Variants in PRKAG2 observed in about 807,000 individuals in gnomAD.
PRKAG2 encodes protein kinase AMP-activated non-catalytic subunit gamma 2, also known as 5'-AMP-activated protein kinase subunit gamma-2.
In PRKAG2, 26 loss-of-function variants were observed where a neutral mutation model predicts 69.6. That is an observed-to-expected ratio of 0.37 (90% CI 0.27 to 0.52). The LOEUF is 0.52. PRKAG2 is among the 20% of genes least tolerant of loss of function. The pLI, the probability that PRKAG2 is intolerant of heterozygous loss-of-function variation, is 0.90. For missense variants in PRKAG2, 557 were observed against 740.0 expected, an observed-to-expected ratio of 0.75 and a Z score of 2.87; for synonymous variants, 293 against 285.0, an observed-to-expected ratio of 1.03 and a Z score of -0.28.
intron 1 of PRKAG2, among the ~76,000 whole-genome samples, chr7:151,804,967 C>T (rs1190366661): frequency 6.6e-6 from 1 of 152,140 alleles, no homozygotes; most frequent in South Asian, 2.1e-4. Flanking sequence ...AAAGCCGCTG[C>T]GGAAGTGGCT....
At chr7:151,865,618 G>T (rs529461986) in intron 1 of PRKAG2, among the ~76,000 whole-genome samples, 1 of 152,318 alleles carries the variant, frequency 6.6e-6, no homozygotes, top group African/African-American at 2.4e-5. Flanking sequence ...TGACAGAGGC[G>T]CCAGGCAGGG....
intron 14 of PRKAG2, among the ~76,000 whole-genome samples, chr7:151,560,831 T>A (rs887751886): frequency 6.6e-6 from 1 of 152,106 alleles, no homozygotes; most frequent in Admixed American, 6.6e-5. Context: ...GAGGATTGCT[T>A]GAGCCTGGGA....
intron 6 of PRKAG2, among the ~76,000 whole-genome samples, chr7:151,579,035 G>A (rs1213081482): frequency 6.6e-6 from 1 of 152,080 alleles, no homozygotes; most frequent in Admixed American, 6.5e-5. Flanking sequence ...TGGAGACAGG[G>A]TCTCACTTTT....
chr7:151,668,350 T>A (rs1414641631), intron 4 of PRKAG2, among the ~76,000 whole-genome samples: 1 of 152,204 alleles, frequency 6.6e-6, no homozygotes, highest in Non-Finnish European at 1.5e-5. Flanking sequence ...CTTCTCTTTA[T>A]AAACTACCCA....
chr7:151,875,890 A>G (rs914264723), intron 1 of PRKAG2, among the ~76,000 whole-genome samples: 2 of 152,032 alleles, frequency 1.3e-5, no homozygotes, highest in Non-Finnish European at 2.9e-5. Flanking sequence ...CGAGCCCCCA[A>G]ATACCACAGA....
chr7:151,604,849 T>C (rs960814910), intron 5 of PRKAG2, among the ~76,000 whole-genome samples: 2 of 152,106 alleles, frequency 1.3e-5, no homozygotes, highest in Non-Finnish European at 1.5e-5. Flanking sequence ...CTTGGAAGCT[T>C]TGAAGTTCTG....
intron 3 of PRKAG2, among the ~76,000 whole-genome samples, chr7:151,726,497 C>T (rs1461013475): frequency 6.6e-6 from 1 of 152,062 alleles, no homozygotes; most frequent in East Asian, 1.9e-4. Context: ...GAAAGGCACA[C>T]CAACGCACAA....
At chr7:151,715,322 CAAAAAAAA>C (rs34971340) in intron 3 of PRKAG2, among the ~76,000 whole-genome samples, 4 of 62,458 alleles carry the variant, frequency 6.4e-5, no homozygotes, top group Admixed American at 2.2e-4. Context: ...GGCCTAAAAG[CAAAAAAAA>C]AAAAAAAAAA....
At chr7:151,672,291 C>G (rs987319842) in intron 4 of PRKAG2, among the ~76,000 whole-genome samples, 1 of 151,522 alleles carries the variant, frequency 6.6e-6, no homozygotes, top group Non-Finnish European at 1.5e-5. Context: ...TTAGGAGAGA[C>G]GGGGCTTCAC....
chr7:151,838,297 G>A (rs2079190458), intron 1 of PRKAG2, among the ~76,000 whole-genome samples: 1 of 152,136 alleles, frequency 6.6e-6, no homozygotes. Context: ...CCCTTGACTT[G>A]GACACCCTCG....
Position 151,563,954 on chromosome 7 carries a change from C to T in PRKAG2, c.1584+124G>A, listed in dbSNP as rs28763999. ...GTTCTGGGACAGGAGGGAATCCCAT[C>T]GACTGAACCTGGAGGCTGCCTCGCT... On this transcript the variant is annotated intron_variant, in intron 14 of 15. Coordinates refer to ENST00000287878, the MANE Select transcript of PRKAG2 (RefSeq NM_016203.4). The T allele has an allele frequency of 0.037, 47,841 of 1,306,028 alleles. 1,116 individuals are homozygous for T. Among genetic ancestry groups the T allele is most frequent in the Non-Finnish European group, 0.046 (41,736 of 910,732 alleles). The allele number at this position is 1,306,028 out of a possible 1,614,324, so 80.9% of individuals were successfully genotyped here.
At chr7:151,732,716 G>A (rs1254309712) in intron 3 of PRKAG2, among the ~76,000 whole-genome samples, 2 of 151,826 alleles carry the variant, frequency 1.3e-5, no homozygotes, top group African/African-American at 2.4e-5. Context: ...CTTTGAGACG[G>A]AGTCTCACTG....
intron 3 of PRKAG2, among the ~76,000 whole-genome samples, chr7:151,686,745 T>C (rs1413643326): frequency 6.6e-6 from 1 of 152,216 alleles, no homozygotes; most frequent in African/African-American, 2.4e-5. Context: ...GCCCTGGCCC[T>C]AGCTGAGCTC....
rs190794005 is a variant in PRKAG2, at chr7:151,798,051, C to G, written c.115-11510G>C. On this transcript the variant is annotated intron_variant, in intron 1 of 15. Coordinates refer to ENST00000287878, the MANE Select transcript of PRKAG2 (RefSeq NM_016203.4). ...ACAGAGTCTTGCTCTGTCATCCAGG[C>G]TGGAATGCAATGGCACAATCTCGGC... is the stretch of plus-strand genomic sequence containing the variant. Among the ~76,000 whole-genome samples the G allele has an allele frequency of 4.0e-3, 611 of 152,318 alleles. 6 individuals are homozygous for G. The highest frequency in any genetic ancestry group is 0.014 in the African/African-American group (588 of 41,566).
chr7:151,862,471 T>A (rs1339978584), intron 1 of PRKAG2, among the ~76,000 whole-genome samples: 5 of 152,206 alleles, frequency 3.3e-5, no homozygotes, highest in Non-Finnish European at 7.3e-5. Flanking sequence ...AGCATTTCCA[T>A]TCTCAAAGAC....
intron 3 of PRKAG2, among the ~76,000 whole-genome samples, chr7:151,770,270 G>A (rs115687378): frequency 5.3e-5 from 8 of 152,160 alleles, no homozygotes; most frequent in Non-Finnish European, 1.2e-4. Context: ...GACAGTCTTC[G>A]CATCCTTGGC....
chr7:151,568,275 TG>T (rs1437711097), intron 11 of PRKAG2, among the ~76,000 whole-genome samples: 1 of 152,250 alleles, frequency 6.6e-6, no homozygotes, highest in African/African-American at 2.4e-5. Context: ...CTATCACTGC[TG>T]CAGTTTATAA....
intron 1 of PRKAG2, among the ~76,000 whole-genome samples, chr7:151,819,232 C>T (rs185940233): frequency 2.6e-5 from 4 of 152,344 alleles, no homozygotes; most frequent in Admixed American, 6.5e-5. Context: ...CCAGTCCTGC[C>T]GGTCCTAACA....
intron 3 of PRKAG2, among the ~76,000 whole-genome samples, chr7:151,688,042 G>GCACCCCC: frequency 9.3e-6 from 1 of 106,982 alleles, no homozygotes; most frequent in Admixed American, 9.4e-5. Flanking sequence ...AGGAAATGAG[G>GCACCCCC]CCCCCCCCCG....
Sources: allele counts gnomAD v4.1 joint callset (sites outside exome capture counted in the v4.1 genomes callset), GRCh38; gene constraint gnomAD v4.1.1; transcripts MANE v1.5; gene names NCBI Gene and HGNC (gene_info 2026-07-23, HGNC 2026-07-21).